The following SDK1 variants were observed in gnomAD, a reference collection of about 807,000 sequenced individuals.
The protein encoded by SDK1 is sidekick cell adhesion molecule 1, also known as protein sidekick-1.
SDK1 carries 157 observed loss-of-function variants against 245.5 expected under a neutral mutation model. The observed-to-expected ratio is 0.64, with a 90% CI of 0.56 to 0.73. SDK1 has a LOEUF of 0.73. Ranked by LOEUF, SDK1 falls within the 30% of genes least tolerant of loss-of-function variation. The pLI is 0.00. For synonymous variants in SDK1, 1,647 were observed against 1,278.5 expected, an observed-to-expected ratio of 1.29 and a Z score of -6.15; for missense variants, 3,583 against 3,002.3, an observed-to-expected ratio of 1.19 and a Z score of -4.52.
chr7:3,559,757 CA>C (rs11424233), intron 1 of SDK1, among the ~76,000 whole-genome samples: 32,514 of 127,400 alleles, frequency 0.26, 3,275 homozygotes, highest in South Asian at 0.37. Context: ...TGTATTTTTT[CA>C]AAAAAAAAAA....
chr7:4,137,325 A>G (rs546519517), intron 28 of SDK1, among the ~76,000 whole-genome samples: 1 of 152,310 alleles, frequency 6.6e-6, no homozygotes, highest in Admixed American at 6.5e-5. Flanking sequence ...AAACGTCCGG[A>G]TAGAAGTCTC....
chr7:3,974,909 G>C (rs1297870354), intron 13 of SDK1, among the ~76,000 whole-genome samples: 2 of 152,298 alleles, frequency 1.3e-5, no homozygotes, highest in South Asian at 4.1e-4. Flanking sequence ...TCCAGTCCAT[G>C]AGAGATGCTG....
intron 1 of SDK1, among the ~76,000 whole-genome samples, chr7:3,464,823 T>G (rs1780943814): frequency 1.3e-5 from 2 of 151,892 alleles, no homozygotes; most frequent in Non-Finnish European, 2.9e-5. Context: ...CTTTAAAAAT[T>G]TGGACAAATT....
intron 17 of SDK1, among the ~76,000 whole-genome samples, chr7:4,031,064 C>T (rs1787778947): frequency 6.6e-6 from 1 of 152,170 alleles, no homozygotes; most frequent in Admixed American, 6.5e-5. Flanking sequence ...TGTATACATA[C>T]ACATCTGCAT....
At chr7:3,418,190 G>A (rs890644726) in intron 1 of SDK1, among the ~76,000 whole-genome samples, 1 of 149,386 alleles carries the variant, frequency 6.7e-6, no homozygotes, top group Non-Finnish European at 1.5e-5. Context: ...GGTGGTGCGT[G>A]CCTGTAATCC....
At chr7:3,788,100 G>A (rs989527924) in intron 4 of SDK1, among the ~76,000 whole-genome samples, 7 of 152,132 alleles carry the variant, frequency 4.6e-5, no homozygotes, top group Admixed American at 2.0e-4. Flanking sequence ...CTCCCGGCCC[G>A]GGACCTCACT....
Position 4,268,406 on chromosome 7 carries a change from C to T in SDK1, c.*3022C>T. The T allele has an allele frequency of 3.6e-6, 4 of 1,116,772 alleles. No homozygotes were observed. The highest frequency in any genetic ancestry group is 4.4e-6 in the Non-Finnish European group (4 of 902,752). The allele number at this position is 1,116,772 out of a possible 1,614,324, so 69.2% of individuals were successfully genotyped here. ...TCTGGGTGAATCGGTCCAGCCCAAG[C>T]CCCTCTCCCCAGCCTCGCCTTCAGC... On this transcript the variant is annotated 3_prime_UTR_variant, in exon 45 of 45. Coordinates refer to ENST00000404826, the MANE Select transcript of SDK1 (RefSeq NM_152744.4).
In SDK1 at chr7:3,373,731, G is replaced by A. The variant is rs185546147; in HGVS notation, c.298+71847G>A. Among the ~76,000 whole-genome samples the A allele has an allele frequency of 1.9e-4, 29 of 151,958 alleles. 2 individuals carry two copies. The East Asian group carries it at 5.6e-3, about 29-fold the overall frequency. On this transcript the variant is annotated intron_variant, in intron 1 of 44. Transcript: ENST00000404826. ...AAATTGTTATTTGAAGATATTATAT[G>A]ATTAGAAAAACAAAGGTCAACAGAC...
chr7:3,856,609 G>C (rs969721061), intron 5 of SDK1, among the ~76,000 whole-genome samples: 1 of 151,850 alleles, frequency 6.6e-6, no homozygotes, highest in African/African-American at 2.4e-5. Flanking sequence ...TGGCCAACAT[G>C]GTGAAACCCC....
chr7:3,393,163 G>T (rs1235718171), intron 1 of SDK1, among the ~76,000 whole-genome samples: 1 of 151,544 alleles, frequency 6.6e-6, no homozygotes, highest in African/African-American at 2.4e-5. Flanking sequence ...GTAGAGGTGG[G>T]GTTTCATCAT....
intron 5 of SDK1, among the ~76,000 whole-genome samples, chr7:3,909,318 C>A (rs1390550961): frequency 6.6e-6 from 1 of 152,160 alleles, no homozygotes; most frequent in African/African-American, 2.4e-5. Context: ...AGACTTAAAT[C>A]CTGCCTGGGC....
At chr7:4,215,750 A>G (rs1281842129) in intron 38 of SDK1, among the ~76,000 whole-genome samples, 4 of 152,150 alleles carry the variant, frequency 2.6e-5, no homozygotes, top group South Asian at 2.1e-4. Flanking sequence ...TGAGGAGTCC[A>G]TGTTGATTGT....
rs560538898 is a variant in SDK1 at position 3,355,437 on chromosome 7, G to C, written c.298+53553G>C. On this transcript the variant is annotated intron_variant, in intron 1 of 44. Transcript: ENST00000404826. ...CTCAAGCAGTCTTCCTGCTGCCTCAGCCTCCCATGTTGCTTGCAATTACAG... is the reference window on the plus strand; with the variant it reads ...CTCAAGCAGTCTTCCTGCTGCCTCACCCTCCCATGTTGCTTGCAATTACAG... Among the ~76,000 whole-genome samples the C allele has an allele frequency of 3.3e-5, 5 of 152,256 alleles. No homozygotes were observed. The South Asian group carries it at 8.3e-4, about 25-fold the overall frequency.
At chr7:3,546,693 C>T (rs897335802) in intron 1 of SDK1, among the ~76,000 whole-genome samples, 9 of 152,242 alleles carry the variant, frequency 5.9e-5, no homozygotes, top group Non-Finnish European at 1.2e-4. Context: ...TAAAGACCAT[C>T]ATTTCACAAG....
intron 1 of SDK1, among the ~76,000 whole-genome samples, chr7:3,404,684 T>C (rs1779004058): frequency 6.6e-6 from 1 of 152,234 alleles, no homozygotes; most frequent in South Asian, 2.1e-4. Flanking sequence ...AGTCAATTAC[T>C]TCAGAGCTTG....
intron 1 of SDK1, among the ~76,000 whole-genome samples, chr7:3,452,688 A>G (rs1356795449): frequency 1.3e-5 from 2 of 152,154 alleles, no homozygotes; most frequent in Admixed American, 6.5e-5. Context: ...GTACGGTGAC[A>G]TTTAGAATTC....
chr7:4,114,135 C>T lies in SDK1; in HGVS notation c.3684C>T (p.Val1228=), dbSNP rs373266978. The T allele has an allele frequency of 4.3e-6, 7 of 1,614,186 alleles. No homozygotes were observed. Among genetic ancestry groups the T allele is most frequent in the East Asian group, 2.2e-5 (1 of 44,886 alleles). The part of the protein sequence containing the change: ...SDLQSSAVAQ[V]VSDRLEREFT... ...TCCAGTCCTCAGCAGTGGCCCAAGT[C>T]GTCAGTGACCGGCTGGAGAGAGAAT... Residue 1228 remains valine, a synonymous_variant, in exon 25 of 45, where the codon GTC becomes GTT. Transcript: ENST00000404826.
chr7:4,202,129 T>G (rs1783922379), intron 35 of SDK1, among the ~76,000 whole-genome samples: 2 of 152,300 alleles, frequency 1.3e-5, no homozygotes, highest in South Asian at 2.1e-4. Context: ...ACATGCTCTC[T>G]GGGCCCCGAC....
At chr7:4,040,617 G>T (rs1788557669) in intron 17 of SDK1, among the ~76,000 whole-genome samples, 1 of 152,184 alleles carries the variant, frequency 6.6e-6, no homozygotes, top group Non-Finnish European at 1.5e-5. Flanking sequence ...ATGAGCTGGA[G>T]GAGGCAATGT....
Sources: allele counts gnomAD v4.1 joint callset (sites outside exome capture counted in the v4.1 genomes callset), GRCh38; gene constraint gnomAD v4.1.1; transcripts MANE v1.5; gene names NCBI Gene and HGNC (gene_info 2026-07-23, HGNC 2026-07-21).